The following GK variants were observed in gnomAD, a reference collection of about 807,000 sequenced individuals.
The protein encoded by GK is glycerol kinase, also known as ATP:glycerol 3-phosphotransferase.
Under a neutral mutation model 56.4 loss-of-function variants are expected in GK, and 9 were observed. That is an observed-to-expected ratio of 0.16 (90% confidence interval 0.10 to 0.28). The LOEUF is 0.28. Among genes scored for constraint, GK ranks in the 10% least tolerant of loss-of-function variants. The probability of loss-of-function intolerance (pLI) is 1.00; values close to 1 mark genes in which losing one functional copy is unlikely to be tolerated. For synonymous variants in GK, 104 were observed against 144.1 expected (o/e 0.72, Z 1.99); for missense variants, 161 against 431.4 (o/e 0.37, Z 5.55).
chrX:30,698,114 G>A (rs898529668), intron 9 of GK: 31 of 152,948 alleles, frequency 2.0e-4, no homozygotes, highest in African/African-American at 9.3e-4. Context: ...AGACCAGTTA[G>A]TTGGAAATGC....
intron 13 of GK, among the ~76,000 whole-genome samples, chrX:30,713,351 A>G (rs1936453866): frequency 8.9e-6 from 1 of 111,782 alleles, no homozygotes; most frequent in Admixed American, 9.5e-5. Context: ...CTGTTTGGTT[A>G]TGTGTTTCCG....
intron 13 of GK, among the ~76,000 whole-genome samples, chrX:30,716,945 C>T (rs1387761131): frequency 8.9e-6 from 1 of 111,944 alleles, no homozygotes; most frequent in Non-Finnish European, 1.9e-5. Flanking sequence ...TGTAATGATA[C>T]AGAGTACTGT....
In GK at chrX:30,727,486, A is replaced by T; in HGVS notation, c.1603A>T (p.Ser535Cys). The T allele has an allele frequency of 1.7e-6, 2 of 1,189,535 alleles. No individual in the cohort carries two copies. Among genetic ancestry groups the T allele is most frequent in the Non-Finnish European group, 2.3e-6 (2 of 876,241 alleles). Residue 535 changes from serine to cysteine, a missense_variant, in exon 20 of 21, where the codon AGT (serine) becomes TGT (cysteine). Transcript: ENST00000427190. The part of the protein sequence containing the change: ...PESGDPSIFC[S>C]LPLGFFIVSS... ...CACAGGTGACCCTAGTATCTTCTGT[A>T]GTCTGCCCTTGGGCTTTTTTATAGT...
At chrX:30,657,772 C>A (rs1014559800) in intron 1 of GK, among the ~76,000 whole-genome samples, 2 of 111,924 alleles carry the variant, frequency 1.8e-5, no homozygotes, top group African/African-American at 6.5e-5. Flanking sequence ...TGACTACTGC[C>A]TTGGGTTCCC....
At chrX:30,704,657 T>C (rs770901636) in intron 11 of GK, among the ~76,000 whole-genome samples, 2 of 108,850 alleles carry the variant, frequency 1.8e-5, no homozygotes, top group South Asian at 4.1e-4. Flanking sequence ...CTGCAACCTC[T>C]GCCTCCCAGG....
chrX:30,706,478 G>A (rs1936014136), intron 11 of GK, among the ~76,000 whole-genome samples: 1 of 111,534 alleles, frequency 9.0e-6, no homozygotes, highest in Non-Finnish European at 1.9e-5. Flanking sequence ...AAGGCCCACG[G>A]GGAAGGAATG....
chrX:30,708,310 C>T (rs1235152830), intron 13 of GK, among the ~76,000 whole-genome samples, 176 bp downstream of exon 13: 1 of 111,254 alleles, frequency 9.0e-6, no homozygotes, highest in Non-Finnish European at 1.9e-5. Flanking sequence ...TCAGGACTCA[C>T]AGGAGACCTT....
chrX:30,657,042 G>T (rs1932346203), intron 1 of GK, among the ~76,000 whole-genome samples: 1 of 111,122 alleles, frequency 9.0e-6, no homozygotes, highest in Non-Finnish European at 1.9e-5. Context: ...GTAGAGACGG[G>T]GTTTCACCAT....
At chrX:30,666,015 T>C (rs1933053437) in intron 2 of GK, among the ~76,000 whole-genome samples, 1 of 112,036 alleles carries the variant, frequency 8.9e-6, no homozygotes, top group Non-Finnish European at 1.9e-5. Flanking sequence ...TAAGTAGTAA[T>C]TGTGATTAAA....
rs1303835048 is a variant in GK, at chrX:30,720,955, C to T, written c.1461C>T (p.Ala487=). 10 of 1,210,220 alleles carry T rather than the reference C, an allele frequency of 8.3e-6. No individual in the cohort carries two copies. Among genetic ancestry groups the T allele is most frequent in the Admixed American group, 4.3e-5 (2 of 46,010 alleles). The change falls in exon 18 of 21, where the codon GCC becomes GCT. Residue 487 remains alanine, a synonymous_variant. Coordinates refer to ENST00000427190, the MANE Select transcript of GK (RefSeq NM_001205019.2). ...GTCTCGAACCCGAGGATTTGTCTGC[C>T]GTCACGATGGAGCGGTTTGAACCTC... ...VWSLEPEDLS[A]VTMERFEPQI...
chrX:30,716,982 A>G (rs936123468), intron 13 of GK, among the ~76,000 whole-genome samples: 2 of 112,317 alleles, frequency 1.8e-5, no homozygotes, highest in South Asian at 3.6e-4. Flanking sequence ...ATAAAAATGT[A>G]TAAACAGAAC....
At chrX:30,675,641 G>A (rs1440182941) in intron 3 of GK, among the ~76,000 whole-genome samples, 1 of 106,469 alleles carries the variant, frequency 9.4e-6, no homozygotes, top group Non-Finnish European at 1.9e-5. Flanking sequence ...GGGTAGCTGG[G>A]ACTACAGGCG....
intron 18 of GK, among the ~76,000 whole-genome samples, chrX:30,722,915 A>C (rs1042620701): frequency 1.8e-5 from 2 of 111,211 alleles, no homozygotes; most frequent in African/African-American, 6.5e-5. Flanking sequence ...GTAGCCCCAC[A>C]TGGGGTTCAG....
At chrX:30,703,277 C>A (rs998588229) in intron 11 of GK, among the ~76,000 whole-genome samples, 2 of 111,722 alleles carry the variant, frequency 1.8e-5, no homozygotes, top group African/African-American at 6.5e-5. Flanking sequence ...GGCTAAGGAG[C>A]TTTTCTTGAT....
At chrX:30,663,171 G>A (rs190993122) in intron 1 of GK, among the ~76,000 whole-genome samples, 8 of 110,849 alleles carry the variant, frequency 7.2e-5, no homozygotes, top group Admixed American at 9.7e-5. Flanking sequence ...CACCGCGCCC[G>A]GCCAATACTT....
chrX:30,730,363 T>C lies in GK; in HGVS notation c.*1621T>C, dbSNP rs1323573110. 5 of 111,845 alleles carry C rather than the reference T, an allele frequency of 4.5e-5. No individual in the cohort carries two copies. The highest frequency in any genetic ancestry group is 9.4e-5 in the Non-Finnish European group (5 of 53,206). 9.2% of individuals were successfully genotyped at this position (111,845 alleles called of 1,213,427 possible). On this transcript the variant is annotated 3_prime_UTR_variant, in exon 21 of 21. Coordinates refer to ENST00000427190, the MANE Select transcript of GK (RefSeq NM_001205019.2). The stretch of plus-strand genomic sequence containing the variant: ...AGGTTTTATTGATGCAGCCACCACT[T>C]AAGTGACATAAATATTATAGAAAGG...
intron 9 of GK, among the ~76,000 whole-genome samples, chrX:30,698,866 CAA>C (rs386416832): frequency 2.3e-5 from 1 of 43,342 alleles, no homozygotes; most frequent in Non-Finnish European, 3.9e-5. Context: ...AACTCCATCT[CAA>C]AAAAAAAAAA....
At chrX:30,661,209 C>T (rs1932741628) in intron 1 of GK, among the ~76,000 whole-genome samples, 1 of 111,717 alleles carries the variant, frequency 9.0e-6, no homozygotes, top group Non-Finnish European at 1.9e-5. Flanking sequence ...CACACATTAT[C>T]TAAAACAAAA....
chrX:30,662,750 C>CCTTCTTTCT (rs1932801954), intron 1 of GK, among the ~76,000 whole-genome samples: 1 of 51,333 alleles, frequency 1.9e-5, no homozygotes, highest in Non-Finnish European at 3.5e-5. Flanking sequence ...TCTTTCTTTC[C>CCTTCTTTCT]TTCCTTCCTT....
Sources: allele counts gnomAD v4.1 joint callset (sites outside exome capture counted in the v4.1 genomes callset), GRCh38; gene constraint gnomAD v4.1.1; transcripts MANE v1.5; gene names NCBI Gene and HGNC (gene_info 2026-07-23, HGNC 2026-07-21).